KIAA1549: variants seen among roughly 807,000 people sequenced by gnomAD.
KIAA1549 encodes UPF0606 protein KIAA1549.
A neutral mutation model predicts 156.4 loss-of-function variants in KIAA1549; 70 were observed. The observed-to-expected ratio is 0.45, with a 90% CI of 0.37 to 0.55. KIAA1549 has a LOEUF of 0.55. KIAA1549 is among the 20% of genes least tolerant of loss of function. The pLI is 0.00. For missense variants in KIAA1549, 2,428 were observed against 2,540.9 expected (o/e 0.96, Z 0.96); for synonymous variants, 1,103 against 1,066.4 (o/e 1.03, Z -0.67).
chr7:138,862,378 C>T (rs1419161887), intron 15 of KIAA1549, among the ~76,000 whole-genome samples: 1 of 151,852 alleles, frequency 6.6e-6, no homozygotes, highest in Non-Finnish European at 1.5e-5. Flanking sequence ...GTGGTGAGCA[C>T]CTGCAGTGCC....
At chr7:138,863,218 C>T (rs936023393) in intron 15 of KIAA1549, among the ~76,000 whole-genome samples, 3 of 151,448 alleles carry the variant, frequency 2.0e-5, no homozygotes, top group Middle Eastern at 3.4e-3. Context: ...GGGCTGGGGA[C>T]CCCATACCCT....
At chr7:138,977,841 A>G (rs564170982) in intron 1 of KIAA1549, among the ~76,000 whole-genome samples, 2 of 152,268 alleles carry the variant, frequency 1.3e-5, no homozygotes, top group East Asian at 1.9e-4. Flanking sequence ...CTGGGATTAC[A>G]GGCACATGCC....
At chr7:138,862,246 G>C (rs1306329880) in intron 15 of KIAA1549, among the ~76,000 whole-genome samples, 1 of 152,104 alleles carries the variant, frequency 6.6e-6, no homozygotes, top group Admixed American at 6.5e-5. Context: ...TGTAATCCCA[G>C]CAACTTGGGA....
intron 18 of KIAA1549, among the ~76,000 whole-genome samples, chr7:138,841,368 C>G (rs957617481): frequency 1.3e-5 from 2 of 152,140 alleles, no homozygotes; most frequent in Non-Finnish European, 2.9e-5. Flanking sequence ...ACTCCCCCAG[C>G]CTCACTGGTG....
At chr7:138,904,031 C>T (rs1450232607) in intron 7 of KIAA1549, among the ~76,000 whole-genome samples, 1 of 152,150 alleles carries the variant, frequency 6.6e-6, no homozygotes, top group Non-Finnish European at 1.5e-5. Flanking sequence ...GGCCAGAAGT[C>T]CCAGGAACTC....
chr7:138,831,470 C>T lies in KIAA1549; in HGVS notation c.*6436G>A, dbSNP rs78932034. The stretch of plus-strand genomic sequence containing the variant: ...TGTAAACATGGAAACCAAATACTTG[C>T]ATAAATTATTTCAAAAACTCTACAG... On this transcript the variant is annotated 3_prime_UTR_variant, in exon 20 of 20. Coordinates refer to ENST00000422774, the MANE Select transcript of KIAA1549 (RefSeq NM_001164665.2). 0.014 allele frequency: 2,920 copies of T among 211,482 alleles called. 27 individuals carry two copies. Among genetic ancestry groups the T allele is most frequent in the Non-Finnish European group, 0.02 (2,115 of 104,338 alleles). The allele number at this position is 211,482 out of a possible 1,614,324, so 13.1% of individuals were successfully genotyped here.
chr7:138,881,615 T>C (rs530891846), intron 10 of KIAA1549, 31 bp from the exon 11 acceptor site: 1 of 1,586,526 alleles, frequency 6.3e-7, no homozygotes, highest in South Asian at 1.1e-5. Context: ...AACAAGATTG[T>C]TAACCCGGAA....
intron 1 of KIAA1549, among the ~76,000 whole-genome samples, chr7:138,927,572 A>C (rs562729058): frequency 2.0e-5 from 3 of 152,398 alleles, no homozygotes; most frequent in East Asian, 1.9e-4. Context: ...TGGGAGGCAG[A>C]AGTTGCAGTG....
chr7:138,911,225 A>C lies in KIAA1549; in HGVS notation c.3066T>G (p.Leu1022=), dbSNP rs769352413. 7.0e-5 allele frequency: 112 copies of C among 1,600,828 alleles called. No homozygotes were observed. In the East Asian group the frequency reaches 2.5e-3, roughly 36 times the overall value. ...GGATTAAAGGAGTCTGGTCACGGACAAGCTTACTGTTTATAAGCACATTTA... is the reference window on the plus strand; with the variant it reads ...GGATTAAAGGAGTCTGGTCACGGACCAGCTTACTGTTTATAAGCACATTTA... The part of the protein sequence containing the change: ...SVINVLINSK[L]VRDQTPLILS... The change falls in exon 4 of 20, where the codon CTT becomes CTG. Residue 1022 remains leucine (L), a synonymous_variant. Transcript: ENST00000422774.
At chr7:138,920,600 G>A (rs777070816) in intron 1 of KIAA1549, among the ~76,000 whole-genome samples, 1 of 152,180 alleles carries the variant, frequency 6.6e-6, no homozygotes, top group Non-Finnish European at 1.5e-5. Context: ...CATTTAGTAA[G>A]TTGAGGCCTC....
At chr7:138,903,872 C>A in intron 7 of KIAA1549, 136 bp from the exon 8 acceptor site, 1 of 698,676 alleles carries the variant, frequency 1.4e-6, no homozygotes, top group Non-Finnish European at 2.2e-6. Context: ...CGCGCGCGCA[C>A]ATATGTATTT....
At chr7:138,869,414 G>A in intron 14 of KIAA1549, 124 bp downstream of exon 14, 2 of 742,496 alleles carry the variant, frequency 2.7e-6, no homozygotes, top group Non-Finnish European at 4.4e-6. Flanking sequence ...ACCTCCACGT[G>A]AACACGGATG....
intron 10 of KIAA1549, among the ~76,000 whole-genome samples, chr7:138,891,981 T>C (rs772082167): frequency 2.6e-5 from 4 of 152,240 alleles, no homozygotes; most frequent in Non-Finnish European, 5.9e-5. Flanking sequence ...TGGGTTCCTG[T>C]GCCAGCAAAA....
intron 5 of KIAA1549, among the ~76,000 whole-genome samples, 187 bp from the exon 6 acceptor site, chr7:138,907,289 G>T (rs1812035602): frequency 6.6e-6 from 1 of 152,182 alleles, no homozygotes; most frequent in African/African-American, 2.4e-5. Context: ...TATGGAAAAT[G>T]TTTCTTACAT....
intron 15 of KIAA1549, among the ~76,000 whole-genome samples, chr7:138,866,676 T>G (rs535141985): frequency 4.6e-5 from 7 of 152,368 alleles, no homozygotes; most frequent in African/African-American, 1.7e-4. Context: ...TCTCATGGGT[T>G]AAGTGAGGCT....
chr7:138,886,883 T>C (rs937634216), intron 10 of KIAA1549, among the ~76,000 whole-genome samples: 11 of 152,142 alleles, frequency 7.2e-5, no homozygotes, highest in Admixed American at 2.0e-4. Flanking sequence ...TTTATTATGA[T>C]TTATTTAAGT....
chr7:138,977,415 T>C (rs1814410542), intron 1 of KIAA1549, among the ~76,000 whole-genome samples: 1 of 152,200 alleles, frequency 6.6e-6, no homozygotes. Flanking sequence ...GCTTTTAAAG[T>C]AACATTCAAT....
intron 1 of KIAA1549, among the ~76,000 whole-genome samples, chr7:138,948,462 C>G (rs915081027): frequency 6.6e-6 from 1 of 152,132 alleles, no homozygotes; most frequent in African/African-American, 2.4e-5. Context: ...AGCATGGCCC[C>G]GCCAACACCT....
In KIAA1549 at chr7:138,918,900, G is replaced by A. The variant is rs752657504; in HGVS notation, c.726C>T (p.Ile242=). 4.0e-5 allele frequency: 65 copies of A among 1,613,942 alleles called. No homozygotes were observed. Among genetic ancestry groups the A allele is most frequent in the Middle Eastern group, 1.6e-4 (1 of 6,084 alleles). ...FRSAFRTSEG[I]VPTPGRNLVL... ...CCAAATTCCTGCCAGGAGTTGGAAC[G>A]ATGCCCTCAGAGGTGCGAAAAGCTG... is the stretch of plus-strand genomic sequence containing the variant. The change falls in exon 2 of 20, where the codon ATC becomes ATT. Residue 242 remains isoleucine (I), a synonymous_variant. Coordinates refer to ENST00000422774, the MANE Select transcript of KIAA1549 (RefSeq NM_001164665.2). The surrounding 1 kb of genome is among the most constrained non-coding windows in gnomAD (Gnocchi z 4.2).
Sources: allele counts gnomAD v4.1 joint callset (sites outside exome capture counted in the v4.1 genomes callset), GRCh38; gene constraint gnomAD v4.1.1; non-coding constraint Gnocchi (gnomAD v3.1); transcripts MANE v1.5; gene names NCBI Gene and HGNC (gene_info 2026-07-23, HGNC 2026-07-21).